MAD1L1: variants seen among roughly 807,000 people sequenced by gnomAD.
MAD1L1 encodes the protein mitotic arrest deficient 1 like 1, also known as mitotic spindle assembly checkpoint protein MAD1.
In MAD1L1, 95 loss-of-function variants were observed where a neutral mutation model predicts 96.9. The ratio of observed to expected loss-of-function variants is 0.98; its 90% CI spans 0.83 to 1.16. The LOEUF (loss-of-function observed/expected upper bound fraction) is 1.16. Ranked by LOEUF, MAD1L1 falls within the 50% of genes most tolerant of loss-of-function variation. The pLI, the probability that MAD1L1 is intolerant of heterozygous loss-of-function variation, is 0.00. For synonymous variants in MAD1L1, 473 were observed against 396.6 expected (o/e 1.19, Z -2.29); for missense variants, 1,007 against 954.4 (o/e 1.06, Z -0.73).
intron 17 of MAD1L1, among the ~76,000 whole-genome samples, chr7:1,923,382 T>C (rs1423254695): frequency 6.6e-6 from 1 of 151,248 alleles, no homozygotes; most frequent in East Asian, 1.9e-4. Flanking sequence ...AGAGGCAGTG[T>C]GGGAAATTCT....
chr7:2,115,527 C>T (rs889938301), intron 11 of MAD1L1, among the ~76,000 whole-genome samples: 1 of 150,414 alleles, frequency 6.6e-6, no homozygotes, highest in African/African-American at 2.5e-5. Flanking sequence ...AGGGTCCCCG[C>T]ATGTTCCGGG....
intron 18 of MAD1L1, among the ~76,000 whole-genome samples, chr7:1,866,490 C>T (rs73286695): frequency 0.016 from 2,398 of 152,258 alleles, 56 homozygotes; most frequent in African/African-American, 0.048. Context: ...ACCCTCCAGA[C>T]GGTTCCAGTC....
chr7:2,030,581 G>A (rs1471593109), intron 12 of MAD1L1, among the ~76,000 whole-genome samples: 1 of 152,204 alleles, frequency 6.6e-6, no homozygotes, highest in African/African-American at 2.4e-5. Flanking sequence ...AGTGACAGGT[G>A]GCCGGACCCC....
intron 3 of MAD1L1, 133 bp from the exon 4 acceptor site, chr7:2,225,683 A>C: frequency 1.0e-6 from 1 of 972,994 alleles, no homozygotes; most frequent in South Asian, 1.6e-5. Flanking sequence ...GATGTGGCCC[A>C]GCCACTGGGC....
chr7:1,979,231 C>A (rs575250953), intron 15 of MAD1L1, among the ~76,000 whole-genome samples: 1 of 152,324 alleles, frequency 6.6e-6, no homozygotes, highest in South Asian at 2.1e-4. Flanking sequence ...GCTCTCTCCC[C>A]ACTGCCACCC....
intron 15 of MAD1L1, among the ~76,000 whole-genome samples, chr7:1,965,959 G>C (rs780062611): frequency 2.0e-5 from 3 of 152,260 alleles, no homozygotes; most frequent in Non-Finnish European, 4.4e-5. Context: ...GGAGAGTTGG[G>C]GGGCATCCCT....
chr7:2,221,237 C>T (rs941234006), intron 5 of MAD1L1, among the ~76,000 whole-genome samples: 1 of 152,174 alleles, frequency 6.6e-6, no homozygotes, highest in African/African-American at 2.4e-5. Flanking sequence ...CTCACCCTCC[C>T]CCATGGAACC....
At chr7:2,165,790 C>G (rs899524945) in intron 10 of MAD1L1, among the ~76,000 whole-genome samples, 2 of 152,180 alleles carry the variant, frequency 1.3e-5, no homozygotes, top group Admixed American at 6.5e-5. Flanking sequence ...CAGGGCGAGA[C>G]AGAGTGCCCC....
rs1195966596 is a variant in MAD1L1 at position 2,114,169 on chromosome 7, C to T, written c.1073+34983G>A. Among the ~76,000 whole-genome samples the T allele has an allele frequency of 3.3e-5, 5 of 152,236 alleles. No homozygotes were observed. The highest frequency in any genetic ancestry group is 1.3e-4 in the Admixed American group (2 of 15,288). On this transcript the variant is annotated intron_variant, in intron 11 of 18. Transcript: ENST00000265854. This position sits in a 1 kb window ranked among gnomAD's most constrained non-coding sequence, Gnocchi z 4.2. ...CATTCTCCACGACTTCTGCAACTTT[C>T]CTGTCAGTGTAACATTATGTCAAAA...
At chr7:2,055,026 C>T (rs1040425539) in intron 12 of MAD1L1, among the ~76,000 whole-genome samples, 4 of 152,214 alleles carry the variant, frequency 2.6e-5, no homozygotes, top group Middle Eastern at 3.2e-3. Context: ...GCCCGAACTC[C>T]ATCTGTCCTG....
chr7:2,022,430 A>C (rs1782828436), intron 12 of MAD1L1, among the ~76,000 whole-genome samples: 1 of 152,214 alleles, frequency 6.6e-6, no homozygotes, highest in South Asian at 2.1e-4. Flanking sequence ...CAGGAGTTCA[A>C]GACCAGCCTG....
chr7:1,891,468 G>T (rs1268979629), intron 18 of MAD1L1, among the ~76,000 whole-genome samples: 1 of 152,174 alleles, frequency 6.6e-6, no homozygotes, highest in Non-Finnish European at 1.5e-5. Flanking sequence ...AGAGGTTGCA[G>T]TGAGCCGAAA....
At chr7:1,889,442 C>T (rs569035132) in intron 18 of MAD1L1, among the ~76,000 whole-genome samples, 1 of 152,238 alleles carries the variant, frequency 6.6e-6, no homozygotes, top group Non-Finnish European at 1.5e-5. Context: ...AGGACCCCAG[C>T]AGCTCTGGAC....
In MAD1L1 at chr7:1,875,649, C is replaced by G. The variant is rs563147320; in HGVS notation, c.1998+22551G>C. Among the ~76,000 whole-genome samples, 5 of 152,288 alleles carry G rather than the reference C, an allele frequency of 3.3e-5. No homozygotes were observed. In the South Asian group the frequency reaches 1.0e-3, roughly 32 times the overall value. ...AGAGAAGACGCCACTCCAGGAACCC[C>G]GGGAGGTATAAGGGAACCCTGTTTA... On this transcript the variant is annotated intron_variant, in intron 18 of 18. Coordinates refer to ENST00000265854, the MANE Select transcript of MAD1L1 (RefSeq NM_001013836.2).
At chr7:2,199,917 A>T (rs1792193183) in intron 10 of MAD1L1, among the ~76,000 whole-genome samples, 1 of 152,262 alleles carries the variant, frequency 6.6e-6, no homozygotes, top group Non-Finnish European at 1.5e-5. Context: ...CAGACAGTGA[A>T]GCCTGGATGA....
At chr7:1,913,399 C>T (rs1384422755) in intron 17 of MAD1L1, among the ~76,000 whole-genome samples, 1 of 151,916 alleles carries the variant, frequency 6.6e-6, no homozygotes, top group African/African-American at 2.4e-5. Flanking sequence ...GGCAGACGGG[C>T]TCTGCATGAG....
intron 18 of MAD1L1, among the ~76,000 whole-genome samples, chr7:1,854,936 G>A (rs1275506917): frequency 1.3e-5 from 2 of 152,262 alleles, no homozygotes; most frequent in Non-Finnish European, 2.9e-5. Context: ...CCTGAGAGCT[G>A]CCGCTGTGGC....
intron 15 of MAD1L1, among the ~76,000 whole-genome samples, chr7:1,965,125 T>TGG (rs1413065298): frequency 6.6e-6 from 1 of 152,234 alleles, no homozygotes; most frequent in Admixed American, 6.5e-5. Flanking sequence ...CAGGCATTGA[T>TGG]GACCATTTCC....
At chr7:2,005,900 C>T (rs1782009833) in intron 13 of MAD1L1, among the ~76,000 whole-genome samples, 1 of 152,220 alleles carries the variant, frequency 6.6e-6, no homozygotes, top group Non-Finnish European at 1.5e-5. Flanking sequence ...CTGCACAACC[C>T]TGAGTCAGAG....
Sources: allele counts gnomAD v4.1 joint callset (sites outside exome capture counted in the v4.1 genomes callset), GRCh38; gene constraint gnomAD v4.1.1; non-coding constraint Gnocchi (gnomAD v3.1); transcripts MANE v1.5; gene names NCBI Gene and HGNC (gene_info 2026-07-23, HGNC 2026-07-21).